Variants in IFT122 observed in about 807,000 individuals in gnomAD.
IFT122 encodes intraflagellar transport protein 122 homolog.
In IFT122, 118 loss-of-function variants were observed where a neutral mutation model predicts 161.6. That is an observed-to-expected ratio of 0.73 (90% CI 0.63 to 0.85). IFT122 has a LOEUF of 0.85. Ranked by LOEUF, IFT122 falls within the 40% of genes least tolerant of loss-of-function variation. The pLI, the probability that IFT122 is intolerant of heterozygous loss-of-function variation, is 0.00. For missense variants in IFT122, 1,381 were observed against 1,579.6 expected (o/e 0.87, Z 2.13); for synonymous variants, 550 against 602.4 (o/e 0.91, Z 1.27).
chr3:129,496,852 C>T (rs2080912920), intron 18 of IFT122, among the ~76,000 whole-genome samples: 1 of 152,204 alleles, frequency 6.6e-6, no homozygotes. Context: ...TCACCAGAGT[C>T]AGTGCATCTC....
At chr3:129,452,928 G>T (rs1446577382) in intron 3 of IFT122, among the ~76,000 whole-genome samples, 2 of 152,128 alleles carry the variant, frequency 1.3e-5, no homozygotes, top group Admixed American at 1.3e-4. Flanking sequence ...GGAGGGTGGA[G>T]CCAACTGGAT....
At chr3:129,440,412 C>G (rs2072805821) in intron 1 of IFT122, 41 bp downstream of exon 1, 1 of 1,547,796 alleles carries the variant, frequency 6.5e-7, no homozygotes, top group African/African-American at 1.4e-5. Context: ...GAGGTCGAGT[C>G]CTCGCGGGGA....
At chr3:129,500,504 G>A (rs1246533339) in intron 19 of IFT122, among the ~76,000 whole-genome samples, 4 of 152,230 alleles carry the variant, frequency 2.6e-5, no homozygotes, top group Admixed American at 2.6e-4. Flanking sequence ...TGATCTGCTG[G>A]ATGTCGATGC....
chr3:129,451,614 A>G lies in IFT122; in HGVS notation c.109-300A>G, dbSNP rs1272626059. Among the ~76,000 whole-genome samples, 5 of 152,236 alleles carry G rather than the reference A, an allele frequency of 3.3e-5. No homozygotes were observed. In the East Asian group the frequency reaches 5.8e-4, roughly 18 times the overall value. ...AGGAGGGCCTGCCTTGATCAATCATATATCCAAATTCAGGTAAGGATGAGT... is the reference window on the plus strand; with the variant it reads ...AGGAGGGCCTGCCTTGATCAATCATGTATCCAAATTCAGGTAAGGATGAGT... On this transcript the variant is annotated intron_variant, in intron 2 of 29. Transcript: ENST00000348417.
At chr3:129,483,115 A>C (rs2078870921) in intron 14 of IFT122, among the ~76,000 whole-genome samples, 1 of 152,190 alleles carries the variant, frequency 6.6e-6, no homozygotes, top group South Asian at 2.1e-4. Flanking sequence ...CTCCCTCTAC[A>C]CATAAAACAG....
intron 15 of IFT122, chr3:129,487,437 T>A (rs1380213972): frequency 6.6e-6 from 1 of 152,254 alleles, no homozygotes; most frequent in Non-Finnish European, 1.5e-5. Context: ...GGAGAAATAA[T>A]ACCTACTGCA....
At chr3:129,506,315 G>A (rs2082185205) in intron 21 of IFT122, 94 bp from the exon 22 acceptor site, 5 of 1,459,952 alleles carry the variant, frequency 3.4e-6, no homozygotes, top group South Asian at 3.4e-5. Context: ...TACTTCCAAA[G>A]CAGCCCTGTG....
intron 9 of IFT122, among the ~76,000 whole-genome samples, chr3:129,471,247 C>T (rs921684178): frequency 6.6e-6 from 1 of 152,158 alleles, no homozygotes; most frequent in Non-Finnish European, 1.5e-5. Flanking sequence ...TTCTTCTACC[C>T]CTGCCTTACC....
At chr3:129,507,015 G>A (rs1444260957) in intron 22 of IFT122, among the ~76,000 whole-genome samples, 2 of 152,216 alleles carry the variant, frequency 1.3e-5, no homozygotes, top group African/African-American at 2.4e-5. Flanking sequence ...GAGACAAGGA[G>A]ATGTTCTTCT....
intron 1 of IFT122, among the ~76,000 whole-genome samples, chr3:129,446,546 T>A (rs757291049): frequency 5.3e-5 from 8 of 152,148 alleles, no homozygotes; most frequent in Non-Finnish European, 1.0e-4. Flanking sequence ...CTCAACCAAT[T>A]GTCAGAAAAA....
At chr3:129,515,145 A>C in intron 25 of IFT122, 1 of 448,570 alleles carries the variant, frequency 2.2e-6, no homozygotes, top group Non-Finnish European at 4.1e-6. Context: ...TAAATGAGCC[A>C]GTATAGTCCA....
chr3:129,445,999 T>C (rs1179027225), intron 1 of IFT122, among the ~76,000 whole-genome samples: 1 of 152,212 alleles, frequency 6.6e-6, no homozygotes, highest in Non-Finnish European at 1.5e-5. Flanking sequence ...TTTTAAAATT[T>C]AACCTGAGAG....
chr3:129,488,529 A>G lies in IFT122; in HGVS notation c.1992+132A>G, dbSNP rs572837999. 84 of 1,142,242 alleles carry G rather than the reference A, an allele frequency of 7.4e-5. No homozygotes were observed. The African/African-American group carries it at 1.1e-3, about 15-fold the overall frequency. The allele number at this position is 1,142,242 out of a possible 1,614,324, so 70.8% of individuals were successfully genotyped here. ...TGGAGTTAGGCTGACCTGGGCTTGT[A>G]TCTTAGCCACTTCCTCACTGTGGGC... On this transcript the variant is annotated intron_variant, in intron 16 of 29. Coordinates refer to ENST00000348417, the MANE Select transcript of IFT122 (RefSeq NM_052989.3).
intron 8 of IFT122, 44 bp downstream of exon 8, chr3:129,467,110 A>G: frequency 6.3e-7 from 1 of 1,575,762 alleles, no homozygotes; most frequent in South Asian, 1.1e-5. Context: ...GTAAGGGCCC[A>G]GGCCCCACAC....
At chr3:129,463,950 C>T (rs2076444059) in intron 6 of IFT122, among the ~76,000 whole-genome samples, 1 of 152,208 alleles carries the variant, frequency 6.6e-6, no homozygotes, top group Non-Finnish European at 1.5e-5. Context: ...TTCCCTCCCA[C>T]ACTTTGATGC....
chr3:129,464,989 T>A (rs1284067200), intron 7 of IFT122, among the ~76,000 whole-genome samples: 2 of 152,084 alleles, frequency 1.3e-5, no homozygotes, highest in African/African-American at 2.4e-5. Context: ...AAAAGTTGAG[T>A]TTAGGAATGA....
rs2077116488 is a variant in IFT122 at position 129,469,250 on chromosome 3, G to A, written c.741-92G>A. ...TACAACATTTGGCAACCTGAGGCCA[G>A]GACTTCCTTGTTCCTGTTGTTTAAG... is the stretch of plus-strand genomic sequence containing the variant. On this transcript the variant is annotated intron_variant, in intron 8 of 29. Coordinates refer to ENST00000348417, the MANE Select transcript of IFT122 (RefSeq NM_052989.3). 4 of 1,159,082 alleles carry A rather than the reference G, an allele frequency of 3.5e-6. No homozygotes were observed. In the Admixed American group the frequency reaches 6.8e-5, roughly 20 times the overall value. The allele number at this position is 1,159,082 out of a possible 1,614,324, so 71.8% of individuals were successfully genotyped here. A position where few individuals can be genotyped will look rare whatever the true frequency, so the allele number is the denominator to read the frequency against.
At chr3:129,518,248 G>A (rs562825310) in intron 27 of IFT122, among the ~76,000 whole-genome samples, 1 of 152,358 alleles carries the variant, frequency 6.6e-6, no homozygotes, top group East Asian at 1.9e-4. Flanking sequence ...GGCAGTGAAA[G>A]CCCCGGGGCA....
chr3:129,465,728 C>T (rs2076696780), intron 7 of IFT122, among the ~76,000 whole-genome samples: 1 of 128,108 alleles, frequency 7.8e-6, no homozygotes, highest in Non-Finnish European at 1.5e-5. Context: ...CTGCAAGCTC[C>T]GCTTCCCGGG....
Sources: gnomAD v4.1 joint callset for allele counts (sites outside exome capture counted in the v4.1 genomes callset) on GRCh38, gnomAD v4.1.1 for gene constraint, MANE v1.5 for transcripts, NCBI Gene and HGNC (gene_info 2026-07-23, HGNC 2026-07-21) for gene names.